Variants in CNBD1 observed in about 807,000 individuals in gnomAD.
CNBD1 encodes cyclic nucleotide binding domain containing 1, also known as cyclic nucleotide-binding domain-containing protein 1.
A neutral mutation model predicts 54.4 loss-of-function variants in CNBD1; 71 were observed. That is an observed-to-expected ratio of 1.30 (90% confidence interval 1.08 to 1.59). The LOEUF (loss-of-function observed/expected upper bound fraction) is 1.59. Ranked by LOEUF, CNBD1 falls within the 40% of genes most tolerant of loss-of-function variation. CNBD1 has a pLI of 0.00. For missense variants in CNBD1, 659 were observed against 518.0 expected (o/e 1.27, Z -2.64); for synonymous variants, 182 against 170.7 (o/e 1.07, Z -0.51).
At chr8:87,270,683 C>T (rs1216452970) in intron 6 of CNBD1, among the ~76,000 whole-genome samples, 1 of 151,680 alleles carries the variant, frequency 6.6e-6, no homozygotes, top group Non-Finnish European at 1.5e-5. Context: ...CCTGTAGTTT[C>T]TTTATTTTTA....
intron 7 of CNBD1, among the ~76,000 whole-genome samples, chr8:87,285,042 C>A (rs1329168066): frequency 1.3e-5 from 2 of 151,882 alleles, no homozygotes; most frequent in Non-Finnish European, 2.9e-5. Context: ...TTTTTAAATA[C>A]CCTTTGGCTT....
intron 4 of CNBD1, among the ~76,000 whole-genome samples, chr8:87,028,709 G>A (rs1288213262): frequency 6.6e-6 from 1 of 152,208 alleles, no homozygotes; most frequent in Non-Finnish European, 1.5e-5. Context: ...TTGTCTGGAT[G>A]TGGTGATCTG....
intron 6 of CNBD1, among the ~76,000 whole-genome samples, chr8:87,241,472 C>T (rs1227551577): frequency 6.6e-6 from 1 of 151,880 alleles, no homozygotes; most frequent in Non-Finnish European, 1.5e-5. Context: ...CGGGGTTTCA[C>T]CGTGTTAGCC....
intron 4 of CNBD1, among the ~76,000 whole-genome samples, chr8:87,119,447 T>C (rs1044124188): frequency 2.6e-5 from 4 of 152,136 alleles, no homozygotes; most frequent in Non-Finnish European, 5.9e-5. Context: ...GCAACTTTAC[T>C]CACTTCACTT....
At chr8:86,961,750 C>T (rs920005634) in intron 4 of CNBD1, among the ~76,000 whole-genome samples, 1 of 152,230 alleles carries the variant, frequency 6.6e-6, no homozygotes, top group Non-Finnish European at 1.5e-5. Context: ...CTTCCTGTTC[C>T]ACCAGAGTGA....
At chr8:87,133,442 T>C (rs1172249490) in intron 4 of CNBD1, among the ~76,000 whole-genome samples, 1 of 152,224 alleles carries the variant, frequency 6.6e-6, no homozygotes, top group African/African-American at 2.4e-5. Context: ...GATTGGTGTT[T>C]TAGCCTTAGC....
intron 2 of CNBD1, among the ~76,000 whole-genome samples, chr8:87,395,011 G>T (rs1161995679): frequency 6.6e-6 from 1 of 151,784 alleles, no homozygotes; most frequent in Non-Finnish European, 1.5e-5. Context: ...TCCCCACTTT[G>T]CCTGCTAAGC....
intron 8 of CNBD1, among the ~76,000 whole-genome samples, chr8:87,290,656 T>C (rs1563539695): frequency 6.6e-6 from 1 of 152,186 alleles, no homozygotes; most frequent in Non-Finnish European, 1.5e-5. Context: ...GAGTATATGC[T>C]AGTAACAAAT....
chr8:87,012,803 C>T (rs1809252092), intron 4 of CNBD1, among the ~76,000 whole-genome samples: 1 of 152,126 alleles, frequency 6.6e-6, no homozygotes, highest in South Asian at 2.1e-4. Context: ...GCCTGGAAGC[C>T]CCCACTTTGA....
intron 2 of CNBD1, among the ~76,000 whole-genome samples, chr8:87,419,891 A>G (rs1173866033): frequency 6.6e-6 from 1 of 150,904 alleles, no homozygotes; most frequent in Non-Finnish European, 1.5e-5. Context: ...CTTTATATTG[A>G]AACCTGATAA....
intron 2 of CNBD1, among the ~76,000 whole-genome samples, chr8:87,404,237 GC>G (rs1807616878): frequency 6.6e-6 from 1 of 152,046 alleles, no homozygotes; most frequent in Admixed American, 6.6e-5. Context: ...AGTTGGAACA[GC>G]TTGTTTATGG....
chr8:87,237,180 TC>T, intron 6 of CNBD1, 68 bp downstream of exon 6: 1 of 913,394 alleles, frequency 1.1e-6, no homozygotes, highest in South Asian at 2.0e-5. Flanking sequence ...CTTTATCTCT[TC>T]CAGACATTAA....
At chr8:87,286,912 C>T (rs1808710744) in intron 8 of CNBD1, among the ~76,000 whole-genome samples, 1 of 152,106 alleles carries the variant, frequency 6.6e-6, no homozygotes, top group Non-Finnish European at 1.5e-5. Flanking sequence ...TCTCTACTCC[C>T]TTTAACTGTT....
rs545544853 is a variant in CNBD1 at position 86,912,095 on chromosome 8, GC to G, written c.272+6902del. Among the ~76,000 whole-genome samples the G allele has an allele frequency of 2.9e-3, 440 of 152,128 alleles. 1 individual carries two copies. The highest frequency in any genetic ancestry group is 9.3e-3 in the African/African-American group (387 of 41,518). The stretch of plus-strand genomic sequence containing the variant: ...AATTGAAGTATTTACAAAGAAGGCT[GC>G]TTACTTGTTATAATTTTATTTGACT... On this transcript the variant is annotated intron_variant, in intron 3 of 10. Transcript: ENST00000518476.
At chr8:87,013,027 T>G (rs2130563618) in intron 4 of CNBD1, among the ~76,000 whole-genome samples, 1 of 152,278 alleles carries the variant, frequency 6.6e-6, no homozygotes, top group Middle Eastern at 3.4e-3. Flanking sequence ...ACTCTTTTTG[T>G]CAACAATATA....
At chr8:87,315,384 G>C (rs1004993029) in intron 8 of CNBD1, among the ~76,000 whole-genome samples, 5 of 151,828 alleles carry the variant, frequency 3.3e-5, no homozygotes, top group African/African-American at 7.3e-5. Context: ...TAAAAATAGA[G>C]ATTTTTTTTT....
At chr8:87,080,585 T>C (rs1428516910) in intron 4 of CNBD1, among the ~76,000 whole-genome samples, 1 of 149,700 alleles carries the variant, frequency 6.7e-6, no homozygotes. Flanking sequence ...AAAAAAAAAA[T>C]AGATTTTTGA....
intron 2 of CNBD1, among the ~76,000 whole-genome samples, chr8:87,425,003 G>T (rs564042443): frequency 1.3e-5 from 2 of 151,944 alleles, no homozygotes; most frequent in Non-Finnish European, 2.9e-5. Flanking sequence ...CATATTTCTT[G>T]GAGGCTTTCC....
chr8:87,247,917 A>G (rs762154715), intron 6 of CNBD1, among the ~76,000 whole-genome samples: 4 of 152,180 alleles, frequency 2.6e-5, no homozygotes, highest in East Asian at 1.9e-4. Context: ...GACACGGTGC[A>G]TGGACTCACA....
Sources: allele counts gnomAD v4.1 joint callset (sites outside exome capture counted in the v4.1 genomes callset), GRCh38; gene constraint gnomAD v4.1.1; transcripts MANE v1.5; gene names NCBI Gene and HGNC (gene_info 2026-07-23, HGNC 2026-07-21).